The following ADGRV1 variants were observed in gnomAD, a reference collection of about 807,000 sequenced individuals.
ADGRV1 encodes adhesion G protein-coupled receptor V1.
A neutral mutation model predicts 596.2 loss-of-function variants in ADGRV1; 359 were observed. The ratio of observed to expected loss-of-function variants is 0.60; its 90% CI spans 0.55 to 0.66. ADGRV1 has a LOEUF of 0.66. ADGRV1 is among the 30% of genes least tolerant of loss of function. The pLI, the probability that ADGRV1 is intolerant of heterozygous loss-of-function variation, is 0.00. For synonymous variants in ADGRV1, 2,681 were observed against 2,679.2 expected (o/e 1.00, Z -0.02); for missense variants, 7,274 against 7,575.6 (o/e 0.96, Z 1.48).
intron 87 of ADGRV1, among the ~76,000 whole-genome samples, chr5:91,131,193 A>C (rs538929768): frequency 6.6e-6 from 1 of 152,364 alleles, no homozygotes; most frequent in South Asian, 2.1e-4. Context: ...AGAAATCTCC[A>C]AACTGCTTTC....
intron 85 of ADGRV1, among the ~76,000 whole-genome samples, chr5:91,013,835 T>C (rs997132719): frequency 9.2e-5 from 14 of 152,178 alleles, no homozygotes; most frequent in Admixed American, 7.2e-4. Flanking sequence ...ATTTTATAGT[T>C]TTGGGTTTTA....
intron 83 of ADGRV1, among the ~76,000 whole-genome samples, chr5:90,925,125 G>T (rs764664654): frequency 1.8e-4 from 27 of 152,102 alleles, no homozygotes; most frequent in Non-Finnish European, 2.9e-4. Context: ...CTCTTTTTTG[G>T]TTCCATACTA....
Position 91,019,939 on chromosome 5 carries a change from T to C in ADGRV1, c.18152+34417T>C, listed in dbSNP as rs181428975. ...ACCCCCAGGTCTCATGCTTTCTCCC[T>C]GTATAATTGTTTGAGCAGCTAGAAT... is the stretch of plus-strand genomic sequence containing the variant. On this transcript the variant is annotated intron_variant, in intron 85 of 89. Coordinates refer to ENST00000405460, the MANE Select transcript of ADGRV1 (RefSeq NM_032119.4). Among the ~76,000 whole-genome samples, 6 of 152,140 alleles carry C rather than the reference T, an allele frequency of 3.9e-5. No homozygotes were observed. In the East Asian group the frequency reaches 7.8e-4, roughly 20 times the overall value.
Position 90,784,077 on chromosome 5 carries a change from G to T in ADGRV1, c.13653+20G>T, listed in dbSNP as rs1014705149. 2.6e-6 allele frequency: 4 copies of T among 1,516,714 alleles called. No individual in the cohort carries two copies. In the South Asian group the frequency reaches 3.6e-5, roughly 14 times the overall value. 94.0% of individuals were successfully genotyped at this position (1,516,714 alleles called of 1,614,324 possible). A position where few individuals can be genotyped will look rare whatever the true frequency, so the allele number is the denominator to read the frequency against. ...ATTCAGGTAGATTTATGTTCCCCAT[G>T]ACTTTAAATATAATTTTTGATAGAC... On this transcript the variant is annotated intron_variant, in intron 67 of 89. Transcript: ENST00000405460.
At chr5:90,620,348 C>T (rs1763903526) in intron 4 of ADGRV1, among the ~76,000 whole-genome samples, 1 of 152,166 alleles carries the variant, frequency 6.6e-6, no homozygotes, top group Non-Finnish European at 1.5e-5. Flanking sequence ...TCTCTGATGG[C>T]CAGTGATGAT....
intron 87 of ADGRV1, among the ~76,000 whole-genome samples, chr5:91,110,998 C>CTA (rs2126692580): frequency 6.6e-6 from 1 of 152,224 alleles, no homozygotes; most frequent in Non-Finnish European, 1.5e-5. Context: ...GAATTTGTAG[C>CTA]TAAAAATATA....
chr5:90,816,668 T>G (rs2150257698), intron 75 of ADGRV1, among the ~76,000 whole-genome samples: 1 of 151,664 alleles, frequency 6.6e-6, no homozygotes, highest in South Asian at 2.1e-4. Flanking sequence ...GGTGTTTGGT[T>G]TTTTGTCCTT....
intron 83 of ADGRV1, among the ~76,000 whole-genome samples, chr5:90,948,129 T>A (rs999410618): frequency 2.0e-5 from 3 of 152,142 alleles, no homozygotes; most frequent in African/African-American, 7.2e-5. Context: ...TTTAAAGCTA[T>A]CACTAATGAA....
intron 79 of ADGRV1, among the ~76,000 whole-genome samples, chr5:90,851,228 A>G (rs1442420167): frequency 2.6e-5 from 4 of 151,670 alleles, no homozygotes; most frequent in Non-Finnish European, 4.4e-5. Context: ...AGGTTAGAGA[A>G]TAGGGCAAAT....
rs1786781716 is a variant in ADGRV1 at position 91,055,717 on chromosome 5, G to A, written c.18153-16730G>A. ...ACTTCAGAATGACCCAGACAGTGGT[G>A]AGTTTTGGTGTATTTCCACACATAA... On this transcript the variant is annotated intron_variant, in intron 85 of 89. Coordinates refer to ENST00000405460, the MANE Select transcript of ADGRV1 (RefSeq NM_032119.4). Among the ~76,000 whole-genome samples, 3 of 152,156 alleles carry A rather than the reference G, an allele frequency of 2.0e-5. No homozygotes were observed. In the South Asian group the frequency reaches 6.2e-4, roughly 31 times the overall value.
At position 90,694,028 on chromosome 5, in the gene ADGRV1, A is replaced by G. The variant is rs1473650657; in HGVS notation, c.7272A>G (p.Arg2424=). The change falls in exon 33 of 90, where the codon AGA becomes AGG. Residue 2424 remains arginine (R), a synonymous_variant. Transcript: ENST00000405460. The part of the protein sequence containing the change: ...PIQGVPDPLW[R]TWMNVSAVGE... ...AAGGGGTGCCTGACCCACTTTGGAGAACTTGGATGAATGTCTCTGCCGTGG... is the reference window on the plus strand; with the variant it reads ...AAGGGGTGCCTGACCCACTTTGGAGGACTTGGATGAATGTCTCTGCCGTGG... 6.2e-7 allele frequency: 1 copy of G among 1,613,686 alleles called. No individual in the cohort carries two copies. Among genetic ancestry groups the G allele is most frequent in the Non-Finnish European group, 8.5e-7 (1 of 1,179,794 alleles).
At chr5:90,634,182 A>C (rs1014752835) in intron 9 of ADGRV1, among the ~76,000 whole-genome samples, 2 of 152,204 alleles carry the variant, frequency 1.3e-5, no homozygotes, top group African/African-American at 4.8e-5. Flanking sequence ...CACTGTGTGC[A>C]TTGATTGAGA....
chr5:90,628,098 C>CT (rs1406882528), intron 7 of ADGRV1, among the ~76,000 whole-genome samples: 1 of 151,924 alleles, frequency 6.6e-6, no homozygotes, highest in Non-Finnish European at 1.5e-5. Context: ...ATTAAAAATA[C>CT]TTTTTTCCGC....
At chr5:90,896,267 G>GTTTTTTTTT (rs547252109) in intron 83 of ADGRV1, among the ~76,000 whole-genome samples, 2 of 84,858 alleles carry the variant, frequency 2.4e-5, no homozygotes. Context: ...GTGACCAGTG[G>GTTTTTTTTT]TTTTTTTTTT....
At chr5:91,073,951 G>C (rs1247673253) in intron 86 of ADGRV1, among the ~76,000 whole-genome samples, 2 of 152,190 alleles carry the variant, frequency 1.3e-5, no homozygotes, top group Non-Finnish European at 2.9e-5. Flanking sequence ...ACCTGCTTCA[G>C]CCTCCCAAAG....
intron 89 of ADGRV1, among the ~76,000 whole-genome samples, chr5:91,162,242 G>A (rs1310962543): frequency 3.9e-5 from 6 of 152,210 alleles, no homozygotes; most frequent in South Asian, 4.1e-4. Context: ...ACTGTCCTAT[G>A]AGCTAGGAGA....
chr5:90,732,782 T>C (rs1303077615), intron 50 of ADGRV1, among the ~76,000 whole-genome samples: 2 of 152,250 alleles, frequency 1.3e-5, no homozygotes, highest in African/African-American at 2.4e-5. Flanking sequence ...TAGCCTCTGC[T>C]AAGTTCTGTA....
chr5:90,712,050 A>G (rs546083429), intron 41 of ADGRV1, among the ~76,000 whole-genome samples: 1 of 152,222 alleles, frequency 6.6e-6, no homozygotes, highest in East Asian at 1.9e-4. Context: ...GGCCTCACAT[A>G]GTGCTGGGAT....
intron 87 of ADGRV1, among the ~76,000 whole-genome samples, chr5:91,148,159 C>T (rs961396233): frequency 1.7e-4 from 26 of 152,080 alleles, no homozygotes; most frequent in Admixed American, 1.0e-3. Flanking sequence ...TGCAGCCTGA[C>T]GATGCAGTAG....
Sources: allele counts gnomAD v4.1 joint callset (sites outside exome capture counted in the v4.1 genomes callset), GRCh38; gene constraint gnomAD v4.1.1; transcripts MANE v1.5; gene names NCBI Gene and HGNC (gene_info 2026-07-23, HGNC 2026-07-21).